TNFRSF10D: variants seen among roughly 807,000 people sequenced by gnomAD.
TNFRSF10D encodes the protein tumor necrosis factor receptor superfamily member 10D.
Under a neutral mutation model 42.1 loss-of-function variants are expected in TNFRSF10D, and 28 were observed. That is an observed-to-expected ratio of 0.66 (90% confidence interval 0.49 to 0.91). The LOEUF is 0.91. TNFRSF10D is among the 40% of genes least tolerant of loss of function. TNFRSF10D has a pLI of 0.00. For synonymous variants in TNFRSF10D, 186 were observed against 189.4 expected (o/e 0.98, Z 0.15); for missense variants, 503 against 486.1 (o/e 1.03, Z -0.33).
At chr8:23,143,754 C>G (rs1585258808) in intron 7 of TNFRSF10D, among the ~76,000 whole-genome samples, 2 of 152,174 alleles carry the variant, frequency 1.3e-5, no homozygotes, top group South Asian at 4.2e-4. Flanking sequence ...CACACAGCAT[C>G]ACAAAAGAAA....
At position 23,159,874 on chromosome 8, in the gene TNFRSF10D, AGTC is replaced by A. The variant is rs371947684; in HGVS notation, c.150+3909_150+3911del. ...CAATACTCCATCTCAAGAAAAAAGA[AGTC>A]GTACGTGCTTTTCTCCTGTGTACCT... On this transcript the variant is annotated intron_variant, in intron 1 of 8. Transcript: ENST00000312584. Among the ~76,000 whole-genome samples the A allele has an allele frequency of 5.0e-4, 76 of 152,066 alleles. No homozygotes were observed. In the East Asian group the frequency reaches 9.9e-3, roughly 20 times the overall value.
rs115978162 is a variant in TNFRSF10D at position 23,145,712 on chromosome 8, G to A, written c.692C>T (p.Ser231Leu). ...GTAAGAAATGAATTTCTTCCGACATGAAAAGCCAACCACAACCACAGCTAA... is the reference window on the plus strand; with the variant it reads ...GTAAGAAATGAATTTCTTCCGACATAAAAAGCCAACCACAACCACAGCTAA... The part of the protein sequence containing the change: ...IILAVVVVGF[S>L]CRKKFISYLK... The change falls in exon 5 of 9, where the codon TCA (serine) becomes TTA (leucine). Residue 231 changes from serine to leucine, a missense_variant. Ser to Leu is a moderately radical substitution (Grantham distance 145). Transcript: ENST00000312584. The A allele has an allele frequency of 1.6e-3, 2,585 of 1,613,674 alleles. No homozygotes were observed. In the African/African-American group the frequency reaches 0.019, roughly 12 times the overall value.
rs1800415864 is a variant in TNFRSF10D, at chr8:23,164,002, C to G, written c.-67G>C. The G allele has an allele frequency of 6.8e-7, 1 of 1,479,014 alleles. No homozygotes were observed. The highest frequency in any genetic ancestry group is 1.4e-5 in the African/African-American group (1 of 69,198). 91.6% of individuals were successfully genotyped at this position (1,479,014 alleles called of 1,614,324 possible). On this transcript the variant is annotated 5_prime_UTR_variant, in exon 1 of 9. Coordinates refer to ENST00000312584, the MANE Select transcript of TNFRSF10D (RefSeq NM_003840.5). ...AGAAATCGTCCCCGTAGTTTGTGCG[C>G]GTGCAAAGGTTCTCGCAGCTACACT...
intron 7 of TNFRSF10D, among the ~76,000 whole-genome samples, chr8:23,138,552 GT>G (rs1814384144): frequency 6.6e-6 from 1 of 152,090 alleles, no homozygotes. Flanking sequence ...ACCCCAGAAA[GT>G]CCCCTTCTGC....
At position 23,154,952 on chromosome 8, in the gene TNFRSF10D, G is replaced by A. The variant is rs540501775; in HGVS notation, c.178C>T (p.Arg60Trp). Residue 60 changes from arginine (R) to tryptophan (W), a missense_variant, in exon 2 of 9, where the codon CGG (arginine) becomes TGG (tryptophan). Arg to Trp is a moderately radical substitution (Grantham distance 101). Coordinates refer to ENST00000312584, the MANE Select transcript of TNFRSF10D (RefSeq NM_003840.5). ...GTCTGCTGGGGAACTTCGTCCTGCC[G>A]GGGGATGGTGGCAGAGTCAACCCGG... ...PVRVDSATIP[R>W]QDEVPQQTVA... The A allele has an allele frequency of 1.4e-5, 22 of 1,612,500 alleles. 1 individual carries two copies. Among genetic ancestry groups the A allele is most frequent in the South Asian group, 6.6e-5 (6 of 90,780 alleles).
At chr8:23,147,755 T>C (rs1159299370) in intron 3 of TNFRSF10D, among the ~76,000 whole-genome samples, 2 of 151,840 alleles carry the variant, frequency 1.3e-5, no homozygotes, top group African/African-American at 4.8e-5. Flanking sequence ...GGAGAAACCC[T>C]GTCTCTACTA....
At chr8:23,149,114 C>T (rs1479901487) in intron 2 of TNFRSF10D, among the ~76,000 whole-genome samples, 11 of 135,562 alleles carry the variant, frequency 8.1e-5, no homozygotes, top group East Asian at 2.2e-4. Flanking sequence ...GGCGTGAACC[C>T]GGGAGGCAGA....
Position 23,145,680 on chromosome 8 carries a change from C to T in TNFRSF10D, c.724G>A (p.Gly242Ser). ...AGCCAGCACCTACCTGAGCAGATGC[C>T]TTTGAGGTAAGAAATGAATTTCTTC... ...CRKKFISYLK[G>S]ICSGGGGGPE... The change falls in exon 5 of 9, where the codon GGC becomes AGC. Residue 242 changes from glycine to serine, a missense_variant. Gly to Ser is a moderately conservative substitution (Grantham distance 56). Coordinates refer to ENST00000312584, the MANE Select transcript of TNFRSF10D (RefSeq NM_003840.5). The T allele has an allele frequency of 6.2e-7, 1 of 1,614,106 alleles. No individual in the cohort carries two copies. The highest frequency in any genetic ancestry group is 2.2e-5 in the East Asian group (1 of 44,876).
rs148825620 is a variant in TNFRSF10D at position 23,155,547 on chromosome 8, G to A, written c.151-568C>T. ...ATCCTGGTTAACACAGTGAAACCCC[G>A]TCTCTACTAAAAATACAAAAAATTA... On this transcript the variant is annotated intron_variant, in intron 1 of 8. Coordinates refer to ENST00000312584, the MANE Select transcript of TNFRSF10D (RefSeq NM_003840.5). 2.4e-3 allele frequency among the ~76,000 whole-genome samples: 360 copies of A among 151,940 alleles called. 3 individuals carry two copies. Among genetic ancestry groups the A allele is most frequent in the African/African-American group, 8.2e-3 (341 of 41,446 alleles).
At chr8:23,139,946 C>T (rs1206492129) in intron 7 of TNFRSF10D, among the ~76,000 whole-genome samples, 1 of 152,124 alleles carries the variant, frequency 6.6e-6, no homozygotes, top group Non-Finnish European at 1.5e-5. Context: ...GAGTTCAAGA[C>T]CAGCACGACC....
chr8:23,136,119 G>T lies in TNFRSF10D; in HGVS notation c.*1751C>A, dbSNP rs886217397. 33 of 325,316 alleles carry T rather than the reference G, an allele frequency of 1.0e-4. No individual in the cohort carries two copies. The highest frequency in any genetic ancestry group is 7.1e-4 in the African/African-American group (33 of 46,704). The allele number at this position is 325,316 out of a possible 1,614,324, so 20.2% of individuals were successfully genotyped here. A position where few individuals can be genotyped will look rare whatever the true frequency, so the allele number is the denominator to read the frequency against. ...AACAAAACACACAATGCCTTGAGAT[G>T]GAAAAGACTGAAACCCCTAGAATGA... is the stretch of plus-strand genomic sequence containing the variant. On this transcript the variant is annotated 3_prime_UTR_variant, in exon 9 of 9. Transcript: ENST00000312584.
intron 1 of TNFRSF10D, among the ~76,000 whole-genome samples, chr8:23,159,129 T>C (rs1291728146): frequency 5.9e-3 from 903 of 152,000 alleles, no homozygotes; most frequent in African/African-American, 0.019. Context: ...GGTTTTTGGT[T>C]TTATTTTGGT....
chr8:23,152,712 C>T (rs370981403), intron 2 of TNFRSF10D, among the ~76,000 whole-genome samples: 1,013 of 152,050 alleles, frequency 6.7e-3, no homozygotes, highest in African/African-American at 0.021. Context: ...ATGAAAGAAA[C>T]GGAAAGTAAC....
intron 2 of TNFRSF10D, among the ~76,000 whole-genome samples, chr8:23,152,988 G>T (rs1214676492): frequency 6.6e-6 from 1 of 152,062 alleles, no homozygotes; most frequent in Non-Finnish European, 1.5e-5. Context: ...TATTACAAAG[G>T]TATAGTAATC....
chr8:23,152,963 C>T (rs1310003474), intron 2 of TNFRSF10D, among the ~76,000 whole-genome samples: 1 of 152,122 alleles, frequency 6.6e-6, no homozygotes, highest in African/African-American at 2.4e-5. Flanking sequence ...CATCATACTA[C>T]CTGATTCTTA....
chr8:23,140,512 G>GA (rs1183927540), intron 7 of TNFRSF10D, among the ~76,000 whole-genome samples: 1 of 151,778 alleles, frequency 6.6e-6, no homozygotes, highest in East Asian at 1.9e-4. Flanking sequence ...TGAACAAATG[G>GA]AAAAACATTC....
At chr8:23,148,869 T>C (rs1018604003) in intron 2 of TNFRSF10D, among the ~76,000 whole-genome samples, 13 of 151,554 alleles carry the variant, frequency 8.6e-5, no homozygotes, top group Admixed American at 3.9e-4. Context: ...CATTTCAATA[T>C]GTAATCAATA....
At position 23,145,722 on chromosome 8, in the gene TNFRSF10D, C is replaced by A. The variant is rs201357503; in HGVS notation, c.682G>T (p.Val228Phe). 1.8e-5 allele frequency: 29 copies of A among 1,614,170 alleles called. No homozygotes were observed. In the African/African-American group the frequency reaches 2.4e-4, roughly 13 times the overall value. Reference protein sequence around the residue: ...VLVIILAVVVVGFSCRKKFIS... With the variant: ...VLVIILAVVVFGFSCRKKFIS... ...AATTTCTTCCGACATGAAAAGCCAA[C>A]CACAACCACAGCTAAAATGATGACT... is the stretch of plus-strand genomic sequence containing the variant. Residue 228 changes from valine to phenylalanine, a missense_variant, in exon 5 of 9, where the codon GTT (valine) becomes TTT (phenylalanine). Physicochemically the swap from Val to Phe is conservative, Grantham distance 50. Transcript: ENST00000312584.
intron 1 of TNFRSF10D, among the ~76,000 whole-genome samples, chr8:23,156,241 A>T (rs1201839367): frequency 1.3e-5 from 2 of 152,234 alleles, no homozygotes; most frequent in Non-Finnish European, 2.9e-5. Context: ...AGTGTGTAAA[A>T]GTACAAAATT....
Sources: allele counts gnomAD v4.1 joint callset (sites outside exome capture counted in the v4.1 genomes callset), GRCh38; gene constraint gnomAD v4.1.1; transcripts MANE v1.5; gene names NCBI Gene and HGNC (gene_info 2026-07-23, HGNC 2026-07-21).